The following SDK2 variants were observed in gnomAD, a reference collection of about 807,000 sequenced individuals.
The protein encoded by SDK2 is protein sidekick-2.
SDK2 carries 105 observed loss-of-function variants against 253.9 expected under a neutral mutation model. That is an observed-to-expected ratio of 0.41 (90% CI 0.35 to 0.49). SDK2 has a LOEUF of 0.49. SDK2 is among the 20% of genes least tolerant of loss of function. SDK2 has a pLI of 0.06. For synonymous variants in SDK2, 1,249 were observed against 1,234.9 expected (o/e 1.01, Z -0.24); for missense variants, 2,608 against 3,003.0 (o/e 0.87, Z 3.07).
rs748321283 is a variant in SDK2, at chr17:73,398,148, G to T, written c.3241C>A (p.Pro1081Thr). ...ATCTTTCTAGAAGGCTGACTGGGGGGGCTGGTGCCCACGATGTTCACCTGG... is the reference window on the plus strand; with the variant it reads ...ATCTTTCTAGAAGGCTGACTGGGGGTGCTGGTGCCCACGATGTTCACCTGG... Reference protein sequence around the residue: ...MRQVNIVGTSPPSQPSRKIQT... With the variant: ...MRQVNIVGTSTPSQPSRKIQT... The change falls in exon 24 of 45, where the codon CCC becomes ACC. Residue 1081 changes from proline to threonine, a missense_variant. By Grantham distance (38) the Pro-to-Thr change is conservative (BLOSUM62 -1). Around this residue, in one of 2 missense-constraint regions of SDK2, gnomAD observed 1,505 missense variants for 1,859.1 expected, o/e 0.81. Coordinates refer to ENST00000392650, the MANE Select transcript of SDK2 (RefSeq NM_001144952.2). The T allele has an allele frequency of 1.9e-5, 30 of 1,613,554 alleles. No individual in the cohort carries two copies. The highest frequency in any genetic ancestry group is 2.5e-5 in the Non-Finnish European group (29 of 1,179,806).
At chr17:73,450,092 C>T (rs192125364) in intron 4 of SDK2, among the ~76,000 whole-genome samples, 1 of 152,264 alleles carries the variant, frequency 6.6e-6, no homozygotes, top group East Asian at 1.9e-4. Flanking sequence ...TGAGAGTTTC[C>T]TGCAGGGACT....
intron 18 of SDK2, among the ~76,000 whole-genome samples, chr17:73,414,063 T>A (rs192757635): frequency 0.03 from 4,491 of 151,994 alleles, 91 homozygotes; most frequent in Non-Finnish European, 0.046. Context: ...TTTTTTTTTT[T>A]TGGGACAGAG....
intron 16 of SDK2, 22 bp downstream of exon 16, chr17:73,419,144 T>C (rs2063206707): frequency 1.9e-6 from 3 of 1,609,342 alleles, no homozygotes; most frequent in South Asian, 2.2e-5. Flanking sequence ...ACTGGGCTCC[T>C]GTCCCCAGGG....
intron 2 of SDK2, among the ~76,000 whole-genome samples, chr17:73,474,032 AG>A (rs1404367212): frequency 6.6e-6 from 1 of 152,198 alleles, no homozygotes; most frequent in African/African-American, 2.4e-5. Flanking sequence ...TATTAAAAAA[AG>A]AAACTTTTTG....
intron 12 of SDK2, among the ~76,000 whole-genome samples, chr17:73,425,301 AGAAAG>A (rs1185294197): frequency 6.6e-6 from 1 of 152,248 alleles, no homozygotes; most frequent in East Asian, 1.9e-4. Flanking sequence ...AAATAAAAAA[AGAAAG>A]GAAAAGAAAA....
intron 12 of SDK2, among the ~76,000 whole-genome samples, chr17:73,427,488 T>C (rs913847510): frequency 6.6e-6 from 1 of 152,212 alleles, no homozygotes; most frequent in African/African-American, 2.4e-5. Flanking sequence ...AAGCCTAAAA[T>C]GTTTACTTTT....
At chr17:73,565,660 C>A (rs900814285) in intron 1 of SDK2, among the ~76,000 whole-genome samples, 6 of 152,212 alleles carry the variant, frequency 3.9e-5, no homozygotes, top group African/African-American at 1.4e-4. Flanking sequence ...AGGTATTTAT[C>A]CCCTCCAAAT....
chr17:73,401,453 G>A (rs1250267440), intron 20 of SDK2, among the ~76,000 whole-genome samples: 1 of 152,206 alleles, frequency 6.6e-6, no homozygotes, highest in Non-Finnish European at 1.5e-5. Flanking sequence ...ACTGAGATCT[G>A]TGGCAGAAGG....
At chr17:73,406,437 A>G (rs915302065) in intron 18 of SDK2, among the ~76,000 whole-genome samples, 3 of 151,366 alleles carry the variant, frequency 2.0e-5, no homozygotes, top group Admixed American at 2.0e-4. Context: ...TTTAATGGAG[A>G]TGGGATTTCA....
At chr17:73,483,661 G>GTGTGTATA in intron 2 of SDK2, among the ~76,000 whole-genome samples, 1 of 70,182 alleles carries the variant, frequency 1.4e-5, no homozygotes, top group African/African-American at 6.2e-5. Context: ...GTGTGTGTGT[G>GTGTGTATA]TATATATATA....
At chr17:73,621,187 A>G (rs1014597821) in intron 1 of SDK2, among the ~76,000 whole-genome samples, 1 of 152,216 alleles carries the variant, frequency 6.6e-6, no homozygotes, top group Non-Finnish European at 1.5e-5. Flanking sequence ...TGACCCCTGA[A>G]CTATATGTAC....
At chr17:73,499,047 T>G (rs756261382) in intron 2 of SDK2, among the ~76,000 whole-genome samples, 20 of 152,230 alleles carry the variant, frequency 1.3e-4, no homozygotes, top group East Asian at 1.2e-3. Context: ...GCTCGGTTCC[T>G]GGCACTTACC....
At chr17:73,593,095 G>A (rs1463325642) in intron 1 of SDK2, among the ~76,000 whole-genome samples, 1 of 152,068 alleles carries the variant, frequency 6.6e-6, no homozygotes, top group Non-Finnish European at 1.5e-5. Flanking sequence ...CCGCGCAAAT[G>A]CCGTCCCTCC....
intron 4 of SDK2, among the ~76,000 whole-genome samples, chr17:73,452,944 C>A (rs2063499271): frequency 1.3e-5 from 2 of 152,204 alleles, no homozygotes; most frequent in South Asian, 4.1e-4. Context: ...AAGAACCATT[C>A]TCTGCTGGTT....
chr17:73,602,512 A>C (rs941053322), intron 1 of SDK2, among the ~76,000 whole-genome samples: 5 of 150,776 alleles, frequency 3.3e-5, no homozygotes, highest in African/African-American at 7.4e-5. Context: ...AAGAAAAAAA[A>C]AGTCTAAGTT....
At chr17:73,426,582 A>G (rs987165515) in intron 12 of SDK2, among the ~76,000 whole-genome samples, 1 of 152,182 alleles carries the variant, frequency 6.6e-6, no homozygotes, top group Non-Finnish European at 1.5e-5. Context: ...AAATGTTTAC[A>G]ACCATTCCAA....
chr17:73,490,717 G>A (rs1055690587), intron 2 of SDK2, among the ~76,000 whole-genome samples: 1 of 151,382 alleles, frequency 6.6e-6, no homozygotes, highest in African/African-American at 2.4e-5. Context: ...TAAGAGACAG[G>A]GTCTTGCCAT....
intron 29 of SDK2, among the ~76,000 whole-genome samples, chr17:73,388,811 CCTCCCTCT>C (rs2062898243): frequency 1.8e-5 from 1 of 56,874 alleles, no homozygotes; most frequent in African/African-American, 5.3e-5. Context: ...TCCTTCCTTC[CCTCCCTCT>C]CCTTCCTTCC....
chr17:73,405,494 AT>A lies in SDK2; in HGVS notation c.2485-3354del, dbSNP rs1568385682. Among the ~76,000 whole-genome samples, 697 of 101,090 alleles carry A rather than the reference AT, an allele frequency of 6.9e-3. 69 individuals carry two copies. The highest frequency in any genetic ancestry group is 8.4e-3 in the East Asian group (25 of 2,982). 66.3% of individuals were successfully genotyped at this position (101,090 alleles called of 152,430 possible). ...TATATATATATATATATATATATAT[AT>A]ATATATATATATATATATATATAAA... On this transcript the variant is annotated intron_variant, in intron 18 of 44. Transcript: ENST00000392650.
Sources: gnomAD v4.1 joint callset for allele counts (sites outside exome capture counted in the v4.1 genomes callset) on GRCh38, gnomAD v4.1.1 for gene constraint, gnomAD v4.1.1 regional missense constraint, MANE v1.5 for transcripts, NCBI Gene and HGNC (gene_info 2026-07-23, HGNC 2026-07-21) for gene names.